FAM171B: variants seen among roughly 807,000 people sequenced by gnomAD.
The protein encoded by FAM171B is family with sequence similarity 171 member B.
In FAM171B, 19 loss-of-function variants were observed where a neutral mutation model predicts 75.6. The observed-to-expected ratio is 0.25, with a 90% CI of 0.18 to 0.37. FAM171B has a LOEUF of 0.37. Ranked by LOEUF, FAM171B falls within the 10% of genes least tolerant of loss-of-function variation. The probability of loss-of-function intolerance (pLI) is 1.00; values close to 1 mark genes in which losing one functional copy is unlikely to be tolerated. For missense variants in FAM171B, 848 were observed against 982.4 expected (o/e 0.86, Z 1.83); for synonymous variants, 367 against 361.7 (o/e 1.01, Z -0.17).
intron 1 of FAM171B, among the ~76,000 whole-genome samples, chr2:186,721,517 C>T (rs1177633364): frequency 6.6e-6 from 1 of 151,992 alleles, no homozygotes; most frequent in Non-Finnish European, 1.5e-5. Flanking sequence ...CTAGAATGTT[C>T]TTACTAAGAC....
chr2:186,723,349 C>T (rs1019829042), intron 1 of FAM171B, among the ~76,000 whole-genome samples: 2 of 152,280 alleles, frequency 1.3e-5, no homozygotes, highest in South Asian at 2.1e-4. Context: ...CAACAAATGA[C>T]TCTTTTAAAT....
chr2:186,700,253 A>G (rs1226551980), intron 1 of FAM171B, among the ~76,000 whole-genome samples: 1 of 151,404 alleles, frequency 6.6e-6, no homozygotes, highest in Non-Finnish European at 1.5e-5. Context: ...TTTTTTCTTA[A>G]TAGGTCCTTT....
chr2:186,743,534 G>A lies in FAM171B; in HGVS notation c.524G>A (p.Trp175Ter). 1 of 1,613,140 alleles carries A rather than the reference G, an allele frequency of 6.2e-7. No individual in the cohort carries two copies. The highest frequency in any genetic ancestry group is 8.5e-7 in the Non-Finnish European group (1 of 1,179,318). The change falls in exon 3 of 8, where the codon TGG becomes TAG. Residue 175 changes from tryptophan to a stop codon, truncating the protein, a stop_gained. Transcript: ENST00000304698. LOFTEE classifies it high-confidence loss of function. ...TTCCCGCAAAGCCAAGCAAATATATGGCTATTTGAAGACACTGTTTTAATT... is the reference window on the plus strand; with the variant it reads ...TTCCCGCAAAGCCAAGCAAATATATAGCTATTTGAAGACACTGTTTTAATT... The part of the protein sequence containing the change: ...SLFPQSQANI[W>*]LFEDTVLITG...
chr2:186,759,302 G>A (rs912381868), intron 6 of FAM171B, among the ~76,000 whole-genome samples: 1 of 152,090 alleles, frequency 6.6e-6, no homozygotes, highest in Non-Finnish European at 1.5e-5. Context: ...GCGCTGCTGG[G>A]TTAGGGTCTT....
intron 4 of FAM171B, among the ~76,000 whole-genome samples, chr2:186,750,859 A>C (rs1170427528): frequency 6.6e-6 from 1 of 152,142 alleles, no homozygotes; most frequent in Non-Finnish European, 1.5e-5. Context: ...TTAGATTTAT[A>C]AAAAATATTG....
At chr2:186,709,337 G>T (rs1347393628) in intron 1 of FAM171B, among the ~76,000 whole-genome samples, 1 of 151,970 alleles carries the variant, frequency 6.6e-6, no homozygotes, top group Non-Finnish European at 1.5e-5. Context: ...TATTTTTAGG[G>T]CTTATCATTC....
At position 186,763,016 on chromosome 2, in the gene FAM171B, T is replaced by C; in HGVS notation, c.*193T>C. The C allele has an allele frequency of 1.6e-6, 1 of 625,454 alleles. No homozygotes were observed. The highest frequency in any genetic ancestry group is 1.9e-5 in the African/African-American group (1 of 53,926). 38.7% of individuals were successfully genotyped at this position (625,454 alleles called of 1,614,324 possible). A position where few individuals can be genotyped will look rare whatever the true frequency, so the allele number is the denominator to read the frequency against. ...ATGCTTTTTCTGGCCTATTCATTTA[T>C]TTTTGGGTGATGAATTTACAGTATC... On this transcript the variant is annotated 3_prime_UTR_variant, in exon 8 of 8. Coordinates refer to ENST00000304698, the MANE Select transcript of FAM171B (RefSeq NM_177454.4).
intron 1 of FAM171B, among the ~76,000 whole-genome samples, chr2:186,727,475 C>T (rs1002927780): frequency 2.2e-4 from 33 of 152,132 alleles, no homozygotes; most frequent in African/African-American, 7.7e-4. Flanking sequence ...CAGGGTTCTG[C>T]AAACTTTTTC....
At position 186,751,324 on chromosome 2, in the gene FAM171B, A is replaced by G. The variant is rs945425741; in HGVS notation, c.895+20A>G. On this transcript the variant is annotated intron_variant, in intron 5 of 7. Coordinates refer to ENST00000304698, the MANE Select transcript of FAM171B (RefSeq NM_177454.4). ...ACACAGGTATGTGAGCTAGGTTAAA[A>G]TAGTCTGAATATTTTACATATTTGT... 3.3e-6 allele frequency: 5 copies of G among 1,494,988 alleles called. No individual in the cohort carries two copies. In the African/African-American group the frequency reaches 4.1e-5, roughly 12 times the overall value. The allele number at this position is 1,494,988 out of a possible 1,614,324, so 92.6% of individuals were successfully genotyped here. A position where few individuals can be genotyped will look rare whatever the true frequency, so the allele number is the denominator to read the frequency against.
intron 6 of FAM171B, among the ~76,000 whole-genome samples, chr2:186,758,456 C>G (rs545935912): frequency 7.2e-5 from 11 of 152,088 alleles, no homozygotes; most frequent in Non-Finnish European, 1.5e-4. Flanking sequence ...CAGGTGGGAG[C>G]CTTATGCTGG....
intron 1 of FAM171B, among the ~76,000 whole-genome samples, chr2:186,725,968 C>G (rs188971691): frequency 2.0e-5 from 3 of 152,148 alleles, no homozygotes; most frequent in African/African-American, 4.8e-5. Flanking sequence ...CAAGAAGGAC[C>G]GGAGTCCAAA....
intron 1 of FAM171B, among the ~76,000 whole-genome samples, chr2:186,706,494 A>T (rs941253105): frequency 6.6e-6 from 1 of 152,264 alleles, no homozygotes; most frequent in Non-Finnish European, 1.5e-5. Flanking sequence ...CACTAGCTCT[A>T]TCTTAACAGA....
chr2:186,706,468 A>G (rs1689734737), intron 1 of FAM171B, among the ~76,000 whole-genome samples: 2 of 152,336 alleles, frequency 1.3e-5, no homozygotes, highest in South Asian at 4.1e-4. Flanking sequence ...GGCAGGGAGA[A>G]TTTCTGTACT....
At chr2:186,744,211 C>T (rs958016328) in intron 3 of FAM171B, among the ~76,000 whole-genome samples, 4 of 152,088 alleles carry the variant, frequency 2.6e-5, no homozygotes, top group Admixed American at 2.6e-4. Flanking sequence ...CTATAAATGA[C>T]AACAATTTGC....
intron 1 of FAM171B, among the ~76,000 whole-genome samples, chr2:186,723,448 T>C (rs1474001769): frequency 6.6e-6 from 1 of 151,716 alleles, no homozygotes; most frequent in African/African-American, 2.4e-5. Flanking sequence ...TTCCCCCTTA[T>C]GTCTTTTTTT....
chr2:186,716,624 T>A (rs1689878731), intron 1 of FAM171B, among the ~76,000 whole-genome samples: 1 of 152,208 alleles, frequency 6.6e-6, no homozygotes, highest in African/African-American at 2.4e-5. Flanking sequence ...CTTTGTAGTA[T>A]GCTGGGTGCA....
chr2:186,705,336 C>T (rs1344585795), intron 1 of FAM171B, among the ~76,000 whole-genome samples: 1 of 152,106 alleles, frequency 6.6e-6, no homozygotes, highest in Non-Finnish European at 1.5e-5. Flanking sequence ...CACTGGTGGA[C>T]ATGTCTTATG....
intron 1 of FAM171B, 98 bp downstream of exon 1, chr2:186,694,509 C>T (rs927150820): frequency 4.9e-5 from 70 of 1,430,798 alleles, no homozygotes; most frequent in Admixed American, 1.5e-4. Flanking sequence ...TTCCTATCCT[C>T]GTTCGTTCCT....
At chr2:186,728,985 T>C (rs1388677195) in intron 1 of FAM171B, among the ~76,000 whole-genome samples, 3 of 152,194 alleles carry the variant, frequency 2.0e-5, no homozygotes, top group Non-Finnish European at 4.4e-5. Context: ...TTGTATTCCA[T>C]AGGAAAACCA....
Sources: allele counts gnomAD v4.1 joint callset (sites outside exome capture counted in the v4.1 genomes callset), GRCh38; gene constraint gnomAD v4.1.1; transcripts MANE v1.5; gene names NCBI Gene and HGNC (gene_info 2026-07-23, HGNC 2026-07-21).